The following PC variants were observed in gnomAD, a reference collection of about 807,000 sequenced individuals.
PC encodes the protein pyruvate carboxylase, mitochondrial.
PC carries 46 observed loss-of-function variants against 107.8 expected under a neutral mutation model. That is an observed-to-expected ratio of 0.43 (90% confidence interval 0.34 to 0.55). PC has a LOEUF of 0.55. Among genes scored for constraint, PC ranks in the 20% least tolerant of loss-of-function variants. The pLI is 0.04. For missense variants in PC, 1,241 were observed against 1,643.1 expected, an observed-to-expected ratio of 0.76 and a Z score of 4.23; for synonymous variants, 662 against 684.7, an observed-to-expected ratio of 0.97 and a Z score of 0.52.
At chr11:66,897,378 C>T (rs1947797020) in intron 3 of PC, among the ~76,000 whole-genome samples, 6 of 152,164 alleles carry the variant, frequency 3.9e-5, no homozygotes, top group Admixed American at 3.9e-4. Context: ...CGTCACCAGT[C>T]TGGCCAACAT....
chr11:66,945,420 G>GA lies in PC; in HGVS notation c.-1+7009_-1+7010insT, dbSNP rs1230453487. ...AGATTAACTGAATTCAAATGGTTTGGGGGGGCGGGTCGGAACTGCAGAGTT... is the reference window on the plus strand; with the variant it reads ...AGATTAACTGAATTCAAATGGTTTGGAGGGGGCGGGTCGGAACTGCAGAGTT... On this transcript the variant is annotated intron_variant, in intron 3 of 22. Transcript: ENST00000393960. Among the ~76,000 whole-genome samples the GA allele has an allele frequency of 2.7e-4, 26 of 97,266 alleles. 8 individuals carry two copies. Among genetic ancestry groups the GA allele is most frequent in the Admixed American group, 2.0e-3 (21 of 10,602 alleles). The allele number at this position is 97,266 out of a possible 152,430, so 63.8% of individuals were successfully genotyped here. A position where few individuals can be genotyped will look rare whatever the true frequency, so the allele number is the denominator to read the frequency against.
intron 3 of PC, among the ~76,000 whole-genome samples, chr11:66,935,481 G>A (rs1435053845): frequency 1.3e-5 from 2 of 152,168 alleles, no homozygotes; most frequent in Non-Finnish European, 2.9e-5. Context: ...CAAGCCATGC[G>A]ACAACAAATG....
At position 66,850,590 on chromosome 11, in the gene PC, A is replaced by G; in HGVS notation, c.2473+84T>C. ...GGCAAGGCCAGAGCAGGGCATCTGG[A>G]TCCTAGGCAGGTCCAACACTACTGG... is the stretch of plus-strand genomic sequence containing the variant. On this transcript the variant is annotated intron_variant, in intron 18 of 22. Transcript: ENST00000393960. The G allele has an allele frequency of 9.4e-6, 15 of 1,601,802 alleles. No individual in the cohort carries two copies. The South Asian group carries it at 1.7e-4, about 18-fold the overall frequency.
chr11:66,941,879 G>A (rs1949140199), intron 3 of PC, among the ~76,000 whole-genome samples: 1 of 151,920 alleles, frequency 6.6e-6, no homozygotes, highest in South Asian at 2.1e-4. Context: ...GAGGCGGGCA[G>A]ATCACCTGAA....
rs1009196436 is a variant in PC at position 66,857,613 on chromosome 11, G to C, written c.1369-4230C>G. The C allele has an allele frequency of 9.9e-6, 10 of 1,013,966 alleles. No homozygotes were observed. The highest frequency in any genetic ancestry group is 1.4e-5 in the Non-Finnish European group (10 of 716,110). The allele number at this position is 1,013,966 out of a possible 1,614,324, so 62.8% of individuals were successfully genotyped here. A position where few individuals can be genotyped will look rare whatever the true frequency, so the allele number is the denominator to read the frequency against. ...TCCCTCATCTCTGGCGGCCCTCTTG[G>C]GCCTCTGACCCAGCCCCTCCCCGGG... On this transcript the variant is annotated intron_variant, in intron 12 of 22. Transcript: ENST00000393960. The surrounding 1 kb of genome is among the most constrained non-coding windows in gnomAD (Gnocchi z 7.1).
intron 3 of PC, among the ~76,000 whole-genome samples, chr11:66,945,386 G>A (rs1949257124): frequency 2.3e-5 from 2 of 86,032 alleles, no homozygotes; most frequent in Admixed American, 1.2e-4. Context: ...CAAAAAGGAA[G>A]CCTTAAATAG....
Position 66,858,900 on chromosome 11 carries a change from C to T in PC, c.1368+4874G>A. 1 of 1,563,210 alleles carries T rather than the reference C, an allele frequency of 6.4e-7. No individual in the cohort carries two copies. The highest frequency in any genetic ancestry group is 8.7e-7 in the Non-Finnish European group (1 of 1,153,134). On this transcript the variant is annotated intron_variant, in intron 12 of 22. Transcript: ENST00000393960. The surrounding 1 kb of genome is among the most constrained non-coding windows in gnomAD (Gnocchi z 5.9). ...CAGTGCCGAGGGGGGCCGCCCCGGG[C>T]CCTCGGACATCGCCGCCTCCGCTCG...
chr11:66,868,328 A>G (rs934887356), intron 10 of PC, among the ~76,000 whole-genome samples: 1 of 152,250 alleles, frequency 6.6e-6, no homozygotes, highest in Non-Finnish European at 1.5e-5. Context: ...CGCAGCCACT[A>G]AAAGTATTCA....
chr11:66,888,520 C>T (rs747652590), intron 3 of PC, among the ~76,000 whole-genome samples: 14 of 152,100 alleles, frequency 9.2e-5, no homozygotes, highest in East Asian at 1.9e-4. Flanking sequence ...GGAACTCCCA[C>T]GGCGATGGGG....
At position 66,866,477 on chromosome 11, in the gene PC, G is replaced by A. The variant is rs995235503; in HGVS notation, c.1023-128C>T. On this transcript the variant is annotated intron_variant, in intron 10 of 22. Coordinates refer to ENST00000393960, the MANE Select transcript of PC (RefSeq NM_001040716.2). The surrounding 1 kb of genome is among the most constrained non-coding windows in gnomAD (Gnocchi z 5.4). ...GTGCGACTCCTGCCCATAGGCTCTG[G>A]GCCAGCCTGAACAGCCGGTTCCTCC... 5.6e-6 allele frequency: 4 copies of A among 716,700 alleles called. No homozygotes were observed. Among genetic ancestry groups the A allele is most frequent in the African/African-American group, 5.2e-5 (3 of 57,436 alleles). 44.4% of individuals were successfully genotyped at this position (716,700 alleles called of 1,614,324 possible).
Position 66,852,953 on chromosome 11 carries a change from C to T in PC, c.1514-117G>A. On this transcript the variant is annotated intron_variant, in intron 13 of 22. Coordinates refer to ENST00000393960, the MANE Select transcript of PC (RefSeq NM_001040716.2). The surrounding 1 kb of genome is among the most constrained non-coding windows in gnomAD (Gnocchi z 4.7). ...ACATCCCTCCAGGATCCCCGGGCTT[C>T]CAGCTGGCCCCTGTCCTCTCCAAAG... 1 of 836,880 alleles carries T rather than the reference C, an allele frequency of 1.2e-6. No homozygotes were observed. Among genetic ancestry groups the T allele is most frequent in the Non-Finnish European group, 1.8e-6 (1 of 545,138 alleles). 51.8% of individuals were successfully genotyped at this position (836,880 alleles called of 1,614,324 possible).
In PC at chr11:66,860,796, T is replaced by G. The variant is rs141751577; in HGVS notation, c.1368+2978A>C. ...GCCTGGGGAGCACGTGTGAGCGCCT[T>G]CCCCATGGCACTTCAGGGTCTGCGG... On this transcript the variant is annotated intron_variant, in intron 12 of 22. Coordinates refer to ENST00000393960, the MANE Select transcript of PC (RefSeq NM_001040716.2). The G allele has an allele frequency of 1.1e-3, 790 of 687,086 alleles. 13 individuals carry two copies. The East Asian group carries it at 0.021, about 18-fold the overall frequency. The allele number at this position is 687,086 out of a possible 1,614,324, so 42.6% of individuals were successfully genotyped here. A position where few individuals can be genotyped will look rare whatever the true frequency, so the allele number is the denominator to read the frequency against.
At position 66,849,205 on chromosome 11, in the gene PC, T is replaced by G. The variant is rs374396467; in HGVS notation, c.3288+25A>C. 87 of 1,613,762 alleles carry G rather than the reference T, an allele frequency of 5.4e-5. No homozygotes were observed. The African/African-American group carries it at 9.6e-4, about 18-fold the overall frequency. ...CTGGGCCCAGCCAAGCCCCACCGCCTGGCTGGCCCTGGGGGAGACAATACC... is the reference window on the plus strand; with the variant it reads ...CTGGGCCCAGCCAAGCCCCACCGCCGGGCTGGCCCTGGGGGAGACAATACC... On this transcript the variant is annotated intron_variant, in intron 22 of 22. Coordinates refer to ENST00000393960, the MANE Select transcript of PC (RefSeq NM_001040716.2).
chr11:66,906,130 T>G (rs373818674), intron 3 of PC, among the ~76,000 whole-genome samples: 2 of 152,064 alleles, frequency 1.3e-5, no homozygotes, highest in South Asian at 2.1e-4. Flanking sequence ...AATGACCCAG[T>G]GAGAAGCTGA....
rs537579102 is a variant in PC, at chr11:66,909,234, T to G, written c.1-37075A>C. ...CGTACTCGCCTTGAGATTTGCCTTC[T>G]GGCTGGTGTGCTGCTGGTGTGGGGC... On this transcript the variant is annotated intron_variant, in intron 3 of 22. Coordinates refer to ENST00000393960, the MANE Select transcript of PC (RefSeq NM_001040716.2). Among the ~76,000 whole-genome samples, 235 of 152,328 alleles carry G rather than the reference T, an allele frequency of 1.5e-3. 3 individuals are homozygous for G. The highest frequency in any genetic ancestry group is 3.8e-4 in the Non-Finnish European group (26 of 68,020).
intron 3 of PC, among the ~76,000 whole-genome samples, chr11:66,945,900 C>T (rs1949271465): frequency 6.8e-6 from 1 of 146,874 alleles, no homozygotes; most frequent in Non-Finnish European, 1.5e-5. Context: ...TCCTGGCTAA[C>T]AAGGTGAAAC....
intron 12 of PC, among the ~76,000 whole-genome samples, chr11:66,861,271 G>C (rs967658196): frequency 6.6e-6 from 1 of 152,208 alleles, no homozygotes; most frequent in Admixed American, 6.5e-5. Context: ...CTAGGCACTG[G>C]CTGGGGGGCA....
At chr11:66,958,299 T>A (rs1313815832) in intron 1 of PC, 23 bp downstream of exon 1, 1 of 152,284 alleles carries the variant, frequency 6.6e-6, no homozygotes, top group Non-Finnish European at 1.5e-5. Context: ...AAGAGGACCG[T>A]GCGGAGCGCG....
At chr11:66,860,500 C>G in intron 12 of PC, 1 of 702,626 alleles carries the variant, frequency 1.4e-6, no homozygotes, top group Non-Finnish European at 2.6e-6. Flanking sequence ...TGTTGTCTGG[C>G]TAGGTCCCCC....
Sources: allele counts gnomAD v4.1 joint callset (sites outside exome capture counted in the v4.1 genomes callset), GRCh38; gene constraint gnomAD v4.1.1; non-coding constraint Gnocchi (gnomAD v3.1); transcripts MANE v1.5; gene names NCBI Gene and HGNC (gene_info 2026-07-23, HGNC 2026-07-21).